Variants in ADARB2 observed in about 807,000 individuals in gnomAD.
ADARB2 encodes the protein inactive double-stranded RNA-specific editase B2.
In ADARB2, 25 loss-of-function variants were observed where a neutral mutation model predicts 62.2. The observed-to-expected ratio is 0.40, with a 90% CI of 0.29 to 0.56. ADARB2 has a LOEUF of 0.56. Ranked by LOEUF, ADARB2 falls within the 20% of genes least tolerant of loss-of-function variation. The pLI is 0.43. For synonymous variants in ADARB2, 572 were observed against 500.8 expected (o/e 1.14, Z -1.90); for missense variants, 1,071 against 1,077.4 (o/e 0.99, Z 0.08).
At chr10:1,217,527 C>T (rs1468616935) in intron 6 of ADARB2, among the ~76,000 whole-genome samples, 1 of 152,170 alleles carries the variant, frequency 6.6e-6, no homozygotes, top group African/African-American at 2.4e-5. Flanking sequence ...TGTGAAACAC[C>T]GTTTTTCTCA....
intron 1 of ADARB2, among the ~76,000 whole-genome samples, chr10:1,410,632 G>A (rs891902919): frequency 1.3e-5 from 2 of 152,152 alleles, no homozygotes; most frequent in African/African-American, 4.8e-5. Context: ...TGTTGATGGT[G>A]TAGCATCTGC....
chr10:1,492,723 G>T (rs1042963319), intron 1 of ADARB2, among the ~76,000 whole-genome samples: 1 of 152,062 alleles, frequency 6.6e-6, no homozygotes. Flanking sequence ...GGGTGCTGGG[G>T]GACCCCGGCC....
At chr10:1,277,798 C>CA (rs1005971800) in intron 3 of ADARB2, among the ~76,000 whole-genome samples, 1 of 151,982 alleles carries the variant, frequency 6.6e-6, no homozygotes, top group African/African-American at 2.4e-5. Flanking sequence ...AGAGACACAA[C>CA]AAAAAAAGAG....
At chr10:1,355,029 C>T (rs1039268622) in intron 3 of ADARB2, among the ~76,000 whole-genome samples, 1 of 152,178 alleles carries the variant, frequency 6.6e-6, no homozygotes, top group Admixed American at 6.5e-5. Flanking sequence ...CCTGAGGGCT[C>T]CCACGAGGCT....
intron 1 of ADARB2, among the ~76,000 whole-genome samples, chr10:1,572,306 G>A (rs375893839): frequency 2.6e-5 from 4 of 152,124 alleles, no homozygotes; most frequent in South Asian, 4.2e-4. Context: ...TGAGCTTGCA[G>A]GTGCGTGTGC....
intron 1 of ADARB2, among the ~76,000 whole-genome samples, chr10:1,718,852 T>C (rs531672565): frequency 1.1e-4 from 16 of 152,366 alleles, no homozygotes; most frequent in Non-Finnish European, 2.2e-4. Flanking sequence ...TGAGAGACTT[T>C]GCCTTTCCAT....
chr10:1,662,775 C>T (rs957437079), intron 1 of ADARB2, among the ~76,000 whole-genome samples: 2 of 152,200 alleles, frequency 1.3e-5, no homozygotes, highest in Admixed American at 1.3e-4. Context: ...GCTGTGACCA[C>T]GCCGGGTGCC....
At chr10:1,681,773 A>C (rs1344994993) in intron 1 of ADARB2, among the ~76,000 whole-genome samples, 1 of 152,236 alleles carries the variant, frequency 6.6e-6, no homozygotes, top group African/African-American at 2.4e-5. Flanking sequence ...CATGCATTTT[A>C]CATGCAATCA....
rs374283994 is a variant in ADARB2 at position 1,460,592 on chromosome 10, C to T, written c.101-81432G>A. Among the ~76,000 whole-genome samples, 3 of 106,416 alleles carry T rather than the reference C, an allele frequency of 2.8e-5. 1 individual carries two copies. Among genetic ancestry groups the T allele is most frequent in the Non-Finnish European group, 5.7e-5 (3 of 52,282 alleles). The allele number at this position is 106,416 out of a possible 152,430, so 69.8% of individuals were successfully genotyped here. A position where few individuals can be genotyped will look rare whatever the true frequency, so the allele number is the denominator to read the frequency against. The stretch of plus-strand genomic sequence containing the variant: ...CTGTGACCTGAGTTTACCTGCGTTA[C>T]GAACCTGCCTGTGACCTGAGTTTAC... On this transcript the variant is annotated intron_variant, in intron 1 of 9. Transcript: ENST00000381312.
chr10:1,728,841 C>T (rs1403222397), intron 1 of ADARB2, among the ~76,000 whole-genome samples: 1 of 152,190 alleles, frequency 6.6e-6, no homozygotes, highest in African/African-American at 2.4e-5. Context: ...AGCTATTATA[C>T]TTCTAGAGGC....
chr10:1,495,305 A>T (rs1831672773), intron 1 of ADARB2, among the ~76,000 whole-genome samples: 1 of 152,362 alleles, frequency 6.6e-6, no homozygotes, highest in Non-Finnish European at 1.5e-5. Context: ...GTTGTATATC[A>T]AATACATGCA....
chr10:1,578,590 C>T (rs778890867), intron 1 of ADARB2, among the ~76,000 whole-genome samples: 60 of 151,916 alleles, frequency 3.9e-4, no homozygotes, highest in Non-Finnish European at 4.3e-4. Flanking sequence ...TGGGTGCTGT[C>T]GGGCCGGGTA....
intron 1 of ADARB2, among the ~76,000 whole-genome samples, chr10:1,669,477 GACAC>G (rs150072375): frequency 2.7e-5 from 4 of 146,726 alleles, no homozygotes; most frequent in African/African-American, 1.0e-4. Flanking sequence ...CACAGACACA[GACAC>G]ACACACACTC....
chr10:1,193,529 T>G (rs1445397897), intron 8 of ADARB2, among the ~76,000 whole-genome samples: 1 of 152,212 alleles, frequency 6.6e-6, no homozygotes, highest in African/African-American at 2.4e-5. Flanking sequence ...ATGCCAGGTT[T>G]CAAACTGGAT....
chr10:1,568,187 G>A (rs1832882291), intron 1 of ADARB2, among the ~76,000 whole-genome samples: 1 of 152,244 alleles, frequency 6.6e-6, no homozygotes, highest in Admixed American at 6.5e-5. Flanking sequence ...TGACATAGCT[G>A]AGGAGTTTCA....
chr10:1,528,834 G>A (rs1184521517), intron 1 of ADARB2, among the ~76,000 whole-genome samples: 1 of 152,208 alleles, frequency 6.6e-6, no homozygotes, highest in Non-Finnish European at 1.5e-5. Context: ...GTGGAATTGG[G>A]ATTTTGAAAG....
chr10:1,697,417 C>T (rs1909436), intron 1 of ADARB2, among the ~76,000 whole-genome samples: 34,489 of 152,138 alleles, frequency 0.23, 4,916 homozygotes, highest in Non-Finnish European at 0.3. Flanking sequence ...GAGACAGACA[C>T]AGAGAACACG....
intron 4 of ADARB2, among the ~76,000 whole-genome samples, chr10:1,268,561 C>T (rs1831229351): frequency 6.6e-6 from 1 of 152,094 alleles, no homozygotes; most frequent in Non-Finnish European, 1.5e-5. Context: ...GCAACTAGAA[C>T]AAGACATATT....
At chr10:1,666,241 A>C (rs142905649) in intron 1 of ADARB2, among the ~76,000 whole-genome samples, 2 of 152,310 alleles carry the variant, frequency 1.3e-5, no homozygotes, top group Admixed American at 1.3e-4. Context: ...GAGCCAGAGG[A>C]CTTTCTGAGA....
Sources: allele counts gnomAD v4.1 joint callset (sites outside exome capture counted in the v4.1 genomes callset), GRCh38; gene constraint gnomAD v4.1.1; transcripts MANE v1.5; gene names NCBI Gene and HGNC (gene_info 2026-07-23, HGNC 2026-07-21).